PRKCA: variants seen among roughly 807,000 people sequenced by gnomAD.
PRKCA encodes the protein protein kinase C alpha.
In PRKCA, 27 loss-of-function variants were observed where a neutral mutation model predicts 87.0. That is an observed-to-expected ratio of 0.31 (90% CI 0.23 to 0.43). PRKCA has a LOEUF of 0.43. PRKCA is among the 20% of genes least tolerant of loss of function. The pLI, the probability that PRKCA is intolerant of heterozygous loss-of-function variation, is 1.00. For missense variants in PRKCA, 518 were observed against 852.3 expected (o/e 0.61, Z 4.88); for synonymous variants, 329 against 311.1 (o/e 1.06, Z -0.61).
chr17:66,650,335 A>G (rs1971559162), intron 5 of PRKCA, among the ~76,000 whole-genome samples: 1 of 147,602 alleles, frequency 6.8e-6, no homozygotes, highest in African/African-American at 2.5e-5. Context: ...GGTGGTGCTG[A>G]TATTATCAGA....
intron 2 of PRKCA, among the ~76,000 whole-genome samples, chr17:66,410,119 G>A (rs1221217428): frequency 1.3e-5 from 2 of 152,058 alleles, no homozygotes; most frequent in African/African-American, 4.8e-5. Context: ...TATCTCCCCA[G>A]TCCCTTTCAC....
intron 3 of PRKCA, among the ~76,000 whole-genome samples, chr17:66,543,568 C>T (rs931874112): frequency 6.6e-6 from 1 of 152,126 alleles, no homozygotes; most frequent in African/African-American, 2.4e-5. Context: ...CTCTCCCAGA[C>T]TTGTATTTTA....
At chr17:66,743,402 G>T (rs1974200326) in intron 13 of PRKCA, among the ~76,000 whole-genome samples, 1 of 152,204 alleles carries the variant, frequency 6.6e-6, no homozygotes, top group African/African-American at 2.4e-5. Flanking sequence ...TGAGACGGGG[G>T]TTGCAGTGAT....
rs1425804284 is a variant in PRKCA, at chr17:66,774,139, C to T, written c.1605+72C>T. On this transcript the variant is annotated intron_variant, in intron 14 of 16. Transcript: ENST00000413366. ...GAATACTTCAGCTCTGGTTGGGCCT[C>T]GAGAGCAAGACCTGACGTTTTAGTG... The T allele has an allele frequency of 3.7e-6, 6 of 1,610,260 alleles. No individual in the cohort carries two copies. In the South Asian group the frequency reaches 5.5e-5, roughly 15 times the overall value.
chr17:66,654,365 T>C (rs1971673117), intron 5 of PRKCA, among the ~76,000 whole-genome samples: 1 of 152,170 alleles, frequency 6.6e-6, no homozygotes, highest in Non-Finnish European at 1.5e-5. Flanking sequence ...CCCAACTGGA[T>C]GCTTTCCTAT....
intron 8 of PRKCA, among the ~76,000 whole-genome samples, chr17:66,725,008 C>T (rs965041947): frequency 2.5e-4 from 38 of 152,160 alleles, no homozygotes; most frequent in Non-Finnish European, 5.1e-4. Context: ...TTGGGCAAGC[C>T]AGACTTCTCA....
At chr17:66,505,297 G>A (rs1249642381) in intron 3 of PRKCA, among the ~76,000 whole-genome samples, 1 of 152,168 alleles carries the variant, frequency 6.6e-6, no homozygotes, top group East Asian at 1.9e-4. Context: ...GGGTGGCATG[G>A]CCATTCTCTT....
intron 2 of PRKCA, among the ~76,000 whole-genome samples, chr17:66,464,191 T>C (rs776322356): frequency 6.6e-6 from 1 of 152,184 alleles, no homozygotes; most frequent in South Asian, 2.1e-4. Context: ...TTTTTCTATG[T>C]CTTTTCGTGG....
intron 3 of PRKCA, among the ~76,000 whole-genome samples, chr17:66,533,195 A>G (rs777310761): frequency 6.6e-6 from 1 of 152,224 alleles, no homozygotes; most frequent in Non-Finnish European, 1.5e-5. Flanking sequence ...CAGTAAAGTC[A>G]TAGGCCCCTT....
intron 2 of PRKCA, among the ~76,000 whole-genome samples, chr17:66,329,479 G>A (rs1484683997): frequency 6.6e-6 from 1 of 152,160 alleles, no homozygotes. Flanking sequence ...TGAATGGCAA[G>A]GATTTGAGTG....
intron 2 of PRKCA, 72 bp from the exon 3 acceptor site, chr17:66,496,129 C>T (rs1916465255): frequency 8.4e-7 from 1 of 1,192,448 alleles, no homozygotes; most frequent in Non-Finnish European, 1.2e-6. Flanking sequence ...CAGCAAGTAT[C>T]TCTGTTTGGA....
intron 2 of PRKCA, among the ~76,000 whole-genome samples, chr17:66,314,178 A>G (rs1905196059): frequency 6.6e-6 from 1 of 152,206 alleles, no homozygotes; most frequent in African/African-American, 2.4e-5. Context: ...GCCCGGATTT[A>G]TATTAGGAGA....
At chr17:66,673,116 C>A (rs1972236929) in intron 5 of PRKCA, among the ~76,000 whole-genome samples, 1 of 152,150 alleles carries the variant, frequency 6.6e-6, no homozygotes, top group Non-Finnish European at 1.5e-5. Context: ...GTTTCATTTT[C>A]TTTTGAAACA....
rs368940469 is a variant in PRKCA, at chr17:66,680,014, T to C, written c.530-7097T>C. ...ATCTAATAATTATCAAAATAATGAA[T>C]TCTCTGGGTTCGAAGTCATTTTTTA... On this transcript the variant is annotated intron_variant, in intron 5 of 16. Coordinates refer to ENST00000413366, the MANE Select transcript of PRKCA (RefSeq NM_002737.3). 2.1e-4 allele frequency among the ~76,000 whole-genome samples: 32 copies of C among 152,338 alleles called. 1 individual carries two copies. The South Asian group carries it at 5.2e-3, about 25-fold the overall frequency.
At chr17:66,339,143 A>G (rs1360865220) in intron 2 of PRKCA, among the ~76,000 whole-genome samples, 3 of 152,248 alleles carry the variant, frequency 2.0e-5, no homozygotes, top group Admixed American at 2.0e-4. Flanking sequence ...CTGTTACAGT[A>G]TCAACCAAGA....
intron 2 of PRKCA, among the ~76,000 whole-genome samples, chr17:66,354,207 G>A (rs76516426): frequency 2.0e-5 from 3 of 152,150 alleles, no homozygotes; most frequent in African/African-American, 7.2e-5. Context: ...TTGGTCTGCA[G>A]TGATCTCAAA....
At chr17:66,375,664 A>G (rs941622891) in intron 2 of PRKCA, among the ~76,000 whole-genome samples, 6 of 152,184 alleles carry the variant, frequency 3.9e-5, no homozygotes, top group Admixed American at 2.6e-4. Flanking sequence ...TTTTCTGCCA[A>G]TATTTAAAAT....
At chr17:66,688,758 C>T (rs1282976651) in intron 7 of PRKCA, among the ~76,000 whole-genome samples, 193 bp from the exon 8 acceptor site, 1 of 152,096 alleles carries the variant, frequency 6.6e-6, no homozygotes, top group Non-Finnish European at 1.5e-5. Flanking sequence ...AGCTTTGATT[C>T]CGCCACCGTC....
chr17:66,497,469 C>G (rs1916525918), intron 3 of PRKCA, among the ~76,000 whole-genome samples: 1 of 151,214 alleles, frequency 6.6e-6, no homozygotes, highest in Non-Finnish European at 1.5e-5. Flanking sequence ...GCACTCCAAC[C>G]TGGGCAACAA....
Sources: gnomAD v4.1 joint callset for allele counts (sites outside exome capture counted in the v4.1 genomes callset) on GRCh38, gnomAD v4.1.1 for gene constraint, MANE v1.5 for transcripts, NCBI Gene and HGNC (gene_info 2026-07-23, HGNC 2026-07-21) for gene names.